The following QRFPR variants were observed in gnomAD, a reference collection of about 807,000 sequenced individuals.
The protein encoded by QRFPR is pyroglutamylated RFamide peptide receptor.
Under a neutral mutation model 31.3 loss-of-function variants are expected in QRFPR, and 37 were observed. The ratio of observed to expected loss-of-function variants is 1.18; its 90% CI spans 0.91 to 1.56. QRFPR has a LOEUF of 1.56. QRFPR is among the 40% of genes most tolerant of loss of function. The pLI, the probability that QRFPR is intolerant of heterozygous loss-of-function variation, is 0.00. For synonymous variants in QRFPR, 197 were observed against 192.0 expected, an observed-to-expected ratio of 1.03 and a Z score of -0.22; for missense variants, 542 against 532.5, an observed-to-expected ratio of 1.02 and a Z score of -0.18.
chr4:121,348,686 C>T (rs573744993), intron 1 of QRFPR, among the ~76,000 whole-genome samples: 28 of 152,246 alleles, frequency 1.8e-4, no homozygotes, highest in African/African-American at 6.3e-4. Context: ...TGTAGTTTGA[C>T]TTAAATTCAA....
chr4:121,380,418 C>T lies in QRFPR; in HGVS notation c.230G>A (p.Arg77His), dbSNP rs939125688. ...FYVVTRSKAM[R>H]TVTNIFICSL... ...GCAGATAAAGATGTTGGTGACGGTG[C>T]GCATGGCCTTGCTGCGGGTCACCAC... is the stretch of plus-strand genomic sequence containing the variant. The change falls in exon 1 of 6, where the codon CGC becomes CAC. Residue 77 changes from arginine to histidine, a missense_variant. Coordinates refer to ENST00000394427, the MANE Select transcript of QRFPR (RefSeq NM_198179.3). 13 of 1,614,078 alleles carry T rather than the reference C, an allele frequency of 8.1e-6. No homozygotes were observed. Among genetic ancestry groups the T allele is most frequent in the Middle Eastern group, 1.6e-4 (1 of 6,084 alleles).
intron 1 of QRFPR, among the ~76,000 whole-genome samples, chr4:121,363,331 TAATA>T (rs1000414657): frequency 6.7e-6 from 1 of 149,824 alleles, no homozygotes; most frequent in Non-Finnish European, 1.5e-5. Context: ...CTCCATCTCA[TAATA>T]AATAAATAAA....
intron 1 of QRFPR, among the ~76,000 whole-genome samples, chr4:121,360,948 C>T (rs889150159): frequency 1.3e-5 from 2 of 152,142 alleles, no homozygotes; most frequent in Non-Finnish European, 2.9e-5. Flanking sequence ...CCCTTGCATC[C>T]CTAGTTCAAC....
At chr4:121,344,786 T>C (rs1270420974) in intron 1 of QRFPR, among the ~76,000 whole-genome samples, 2 of 152,206 alleles carry the variant, frequency 1.3e-5, no homozygotes, top group Non-Finnish European at 2.9e-5. Flanking sequence ...CTTCTTGTTC[T>C]GGTAATCTCT....
chr4:121,359,399 A>G (rs1725935200), intron 1 of QRFPR, among the ~76,000 whole-genome samples: 1 of 152,108 alleles, frequency 6.6e-6, no homozygotes, highest in Non-Finnish European at 1.5e-5. Flanking sequence ...GGCACAATCT[A>G]ATCAGCTGCC....
chr4:121,344,517 C>T (rs923825114), intron 1 of QRFPR, among the ~76,000 whole-genome samples: 6 of 152,116 alleles, frequency 3.9e-5, no homozygotes, highest in African/African-American at 1.4e-4. Flanking sequence ...TCCTTGATCA[C>T]ATTTCCCAGT....
At chr4:121,379,555 T>G (rs904175204) in intron 1 of QRFPR, among the ~76,000 whole-genome samples, 3 of 152,146 alleles carry the variant, frequency 2.0e-5, no homozygotes, top group Non-Finnish European at 4.4e-5. Context: ...TCAAGAAATA[T>G]ATCTTTTTTT....
intron 1 of QRFPR, among the ~76,000 whole-genome samples, chr4:121,359,236 G>A (rs1725932492): frequency 6.6e-6 from 1 of 152,098 alleles, no homozygotes; most frequent in Non-Finnish European, 1.5e-5. Context: ...GTTTAGGTTT[G>A]GAAGACAGCT....
chr4:121,332,979 G>T lies in QRFPR; in HGVS notation c.639C>A (p.Ile213=). The T allele has an allele frequency of 6.2e-7, 1 of 1,614,026 alleles. No individual in the cohort carries two copies. Among genetic ancestry groups the T allele is most frequent in the South Asian group, 1.1e-5 (1 of 91,068 alleles). Residue 213 remains isoleucine, a synonymous_variant, in exon 4 of 6, where the codon ATC becomes ATA. Coordinates refer to ENST00000394427, the MANE Select transcript of QRFPR (RefSeq NM_198179.3). ...EEWTSPVHQK[I]YTTFILVILF... ...GGATGACAAGGATGAAGGTGGTGTA[G>T]ATCTTCTGGTGCACAGGGCTGGTCC...
chr4:121,365,539 ATATT>A (rs1726087518), intron 1 of QRFPR, among the ~76,000 whole-genome samples: 1 of 25,984 alleles, frequency 3.8e-5, no homozygotes, highest in South Asian at 1.2e-3. Context: ...TATATAATAT[ATATT>A]ATATATAATA....
Position 121,380,190 on chromosome 4 carries a change from A to AGAGAGG in QRFPR, c.340+117_340+118insCCTCTC, listed in dbSNP as rs1460731438. 1,150 of 121,006 alleles carry AGAGAGG rather than the reference A, an allele frequency of 9.5e-3. 80 individuals carry two copies. Among genetic ancestry groups the AGAGAGG allele is most frequent in the African/African-American group, 0.022 (126 of 5,634 alleles). The allele number at this position is 121,006 out of a possible 1,614,324, so 7.5% of individuals were successfully genotyped here. On this transcript the variant is annotated intron_variant, in intron 1 of 5. Transcript: ENST00000394427. Reference sequence around the variant, plus strand: ...GAGAGACAGACAGACGAGAGAGGAGAGAGAGAGAGAGAGAGAGAGAGAGAG... The same window carrying AGAGAGG: ...GAGAGACAGACAGACGAGAGAGGAGAGAGAGGGAGAGAGAGAGAGAGAGAGAGAGAG...
chr4:121,375,019 A>G (rs1726324354), intron 1 of QRFPR, among the ~76,000 whole-genome samples: 2 of 152,120 alleles, frequency 1.3e-5, no homozygotes, highest in South Asian at 4.1e-4. Context: ...ATGAAAGTGG[A>G]TACAGAACCC....
intron 1 of QRFPR, among the ~76,000 whole-genome samples, chr4:121,359,717 A>G (rs35100097): frequency 0.18 from 26,441 of 149,118 alleles, 2,660 homozygotes; most frequent in Non-Finnish European, 0.24. Context: ...GTGTGTGTGT[A>G]TATATGTGTG....
At chr4:121,341,867 G>A (rs565212088) in intron 1 of QRFPR, among the ~76,000 whole-genome samples, 223 of 152,238 alleles carry the variant, frequency 1.5e-3, no homozygotes, top group African/African-American at 5.1e-3. Flanking sequence ...GTCTTCTCAT[G>A]GCTTTTTCTG....
Position 121,329,556 on chromosome 4 carries a change from C to A in QRFPR, c.1054G>T (p.Val352Leu). 6.2e-7 allele frequency: 1 copy of A among 1,613,780 alleles called. No individual in the cohort carries two copies. Among genetic ancestry groups the A allele is most frequent in the East Asian group, 2.2e-5 (1 of 44,846 alleles). The change falls in exon 6 of 6, where the codon GTA becomes TTA. Residue 352 changes from valine (V) to leucine (L), a missense_variant. Transcript: ENST00000394427. ...NVLSAVCYCI[V>L]NKTFSPAQRH... ...TGTGCTGGAGAGAAGGTTTTATTTA[C>A]TATGCAATAACAAACTGCAGACAAA...
At chr4:121,337,556 G>A (rs1725458368) in intron 2 of QRFPR, among the ~76,000 whole-genome samples, 1 of 152,072 alleles carries the variant, frequency 6.6e-6, no homozygotes, top group South Asian at 2.1e-4. Flanking sequence ...ATCCATGTTG[G>A]TGGAATGGAT....
chr4:121,330,175 G>C (rs1725296058), intron 5 of QRFPR, among the ~76,000 whole-genome samples: 1 of 152,192 alleles, frequency 6.6e-6, no homozygotes, highest in African/African-American at 2.4e-5. Context: ...ATAGCCTAGG[G>C]AGAACAGAAG....
intron 2 of QRFPR, 26 bp from the exon 3 acceptor site, chr4:121,336,894 G>T: frequency 6.3e-7 from 1 of 1,592,762 alleles, no homozygotes; most frequent in Non-Finnish European, 8.6e-7. Flanking sequence ...AGTCATGAGA[G>T]TATGACTCAG....
At chr4:121,335,584 GTGGGGC>G (rs1422905073) in intron 3 of QRFPR, among the ~76,000 whole-genome samples, 1,940 of 82,536 alleles carry the variant, frequency 0.024, 68 homozygotes, top group Non-Finnish European at 0.035. Context: ...GGGGTGGGGG[GTGGGGC>G]GGGGAGAGGA....
Sources: allele counts gnomAD v4.1 joint callset (sites outside exome capture counted in the v4.1 genomes callset), GRCh38; gene constraint gnomAD v4.1.1; transcripts MANE v1.5; gene names NCBI Gene and HGNC (gene_info 2026-07-23, HGNC 2026-07-21).